DLGAP1: variants seen among roughly 807,000 people sequenced by gnomAD.
DLGAP1 encodes the protein disks large-associated protein 1.
Under a neutral mutation model 90.8 loss-of-function variants are expected in DLGAP1, and 11 were observed. The observed-to-expected ratio is 0.12, with a 90% CI of 0.08 to 0.20. The LOEUF is 0.20. Ranked by LOEUF, DLGAP1 falls within the 10% of genes least tolerant of loss-of-function variation. DLGAP1 has a pLI of 1.00. For synonymous variants in DLGAP1, 558 were observed against 540.7 expected (o/e 1.03, Z -0.44); for missense variants, 1,050 against 1,333.8 (o/e 0.79, Z 3.31).
intron 2 of DLGAP1, among the ~76,000 whole-genome samples, chr18:4,047,292 G>A (rs1032363277): frequency 2.6e-5 from 4 of 152,132 alleles, no homozygotes; most frequent in Non-Finnish European, 5.9e-5. Flanking sequence ...ATCTGTATGT[G>A]GCAAATAGTG....
chr18:4,445,090 A>T (rs1274763356), intron 1 of DLGAP1, among the ~76,000 whole-genome samples: 2 of 152,282 alleles, frequency 1.3e-5, no homozygotes, highest in East Asian at 3.9e-4. Context: ...TCATTTCATA[A>T]ATTCGAGTTT....
At chr18:4,143,346 T>C (rs2076527435) in intron 2 of DLGAP1, among the ~76,000 whole-genome samples, 1 of 151,680 alleles carries the variant, frequency 6.6e-6, no homozygotes, top group African/African-American at 2.4e-5. Context: ...TCCTTCCCAC[T>C]GTTCCCTCCC....
At chr18:3,617,605 A>AAT (rs2057922055) in intron 7 of DLGAP1, among the ~76,000 whole-genome samples, 1 of 151,560 alleles carries the variant, frequency 6.6e-6, no homozygotes, top group East Asian at 1.9e-4. Context: ...AAAAAAAAAA[A>AAT]AATTGTTGAA....
At chr18:3,946,625 ACT>A (rs1232883317) in intron 3 of DLGAP1, among the ~76,000 whole-genome samples, 2 of 152,156 alleles carry the variant, frequency 1.3e-5, no homozygotes, top group Non-Finnish European at 2.9e-5. Flanking sequence ...AAACAAAAAC[ACT>A]CTTTAAAGCA....
intron 1 of DLGAP1, among the ~76,000 whole-genome samples, chr18:4,336,696 G>T (rs2081073460): frequency 6.6e-6 from 1 of 152,096 alleles, no homozygotes; most frequent in Non-Finnish European, 1.5e-5. Context: ...TTAATAGATG[G>T]CATTTTACTA....
intron 2 of DLGAP1, among the ~76,000 whole-genome samples, chr18:4,067,203 A>G (rs78410001): frequency 6.6e-6 from 1 of 152,016 alleles, no homozygotes; most frequent in East Asian, 1.9e-4. Flanking sequence ...GAGGAAGAGG[A>G]TCAAGAAAAA....
At chr18:4,114,718 C>CA (rs1373594779) in intron 2 of DLGAP1, among the ~76,000 whole-genome samples, 1 of 151,992 alleles carries the variant, frequency 6.6e-6, no homozygotes, top group African/African-American at 2.4e-5. Flanking sequence ...TTATCTCTAG[C>CA]AATATTTTTG....
intron 3 of DLGAP1, among the ~76,000 whole-genome samples, chr18:4,002,517 T>C (rs79415428): frequency 2.9e-5 from 2 of 69,250 alleles, no homozygotes; most frequent in East Asian, 4.2e-4. Flanking sequence ...TAATGAAATA[T>C]ATCTTCTCTT....
At chr18:4,394,889 T>C (rs1878234924) in intron 1 of DLGAP1, among the ~76,000 whole-genome samples, 1 of 152,180 alleles carries the variant, frequency 6.6e-6, no homozygotes, top group Admixed American at 6.5e-5. Flanking sequence ...CCTGCACAAG[T>C]GAACATGAGA....
At chr18:4,412,313 C>T (rs2082796479) in intron 1 of DLGAP1, among the ~76,000 whole-genome samples, 1 of 152,196 alleles carries the variant, frequency 6.6e-6, no homozygotes, top group South Asian at 2.1e-4. Flanking sequence ...AAGTACCCCA[C>T]TCCACTCTGT....
intron 7 of DLGAP1, among the ~76,000 whole-genome samples, chr18:3,605,277 T>G (rs2145818924): frequency 6.6e-6 from 1 of 152,358 alleles, no homozygotes; most frequent in African/African-American, 2.4e-5. Context: ...ACGTTCGACC[T>G]CTTCCAAGAA....
chr18:4,348,202 T>A (rs894939235), intron 1 of DLGAP1, among the ~76,000 whole-genome samples: 1 of 152,094 alleles, frequency 6.6e-6, no homozygotes, highest in East Asian at 1.9e-4. Context: ...GAGACTACAT[T>A]GTGTGTATAT....
At chr18:3,579,297 G>A (rs573487464) in intron 8 of DLGAP1, among the ~76,000 whole-genome samples, 4 of 152,180 alleles carry the variant, frequency 2.6e-5, no homozygotes, top group African/African-American at 9.7e-5. Flanking sequence ...CGCAACCTCC[G>A]TCTATCGGGT....
intron 3 of DLGAP1, among the ~76,000 whole-genome samples, chr18:3,962,190 G>T (rs926143584): frequency 6.6e-5 from 10 of 152,138 alleles, no homozygotes; most frequent in African/African-American, 2.4e-4. Flanking sequence ...TTTAATATCT[G>T]CAGTCCTTCT....
intron 2 of DLGAP1, among the ~76,000 whole-genome samples, chr18:4,009,614 G>A (rs759198619): frequency 5.3e-5 from 8 of 152,158 alleles, no homozygotes; most frequent in Admixed American, 5.2e-4. Flanking sequence ...GGCAGGATAG[G>A]GTTCTCTTCC....
At chr18:4,300,803 C>T (rs1388436976) in intron 1 of DLGAP1, among the ~76,000 whole-genome samples, 1 of 152,152 alleles carries the variant, frequency 6.6e-6, no homozygotes, top group Non-Finnish European at 1.5e-5. Context: ...TTGTTATATA[C>T]TCTTGCACAC....
intron 2 of DLGAP1, among the ~76,000 whole-genome samples, chr18:4,035,505 A>AT (rs1401914720): frequency 6.6e-6 from 1 of 152,202 alleles, no homozygotes; most frequent in African/African-American, 2.4e-5. Context: ...AGAAAAAAGG[A>AT]TTTTTAAAAA....
At chr18:3,518,720 A>G (rs905526889) in intron 10 of DLGAP1, among the ~76,000 whole-genome samples, 3 of 152,188 alleles carry the variant, frequency 2.0e-5, no homozygotes, top group Non-Finnish European at 2.9e-5. Flanking sequence ...TCTCCATAGC[A>G]TTGCTGATTA....
intron 1 of DLGAP1, 27 bp from the exon 2 acceptor site, chr18:4,151,314 A>G (rs1207462860): frequency 6.6e-6 from 1 of 152,172 alleles, no homozygotes; most frequent in African/African-American, 2.4e-5. Context: ...CAATAATTAG[A>G]TGTAATAACT....
Sources: allele counts gnomAD v4.1 joint callset (sites outside exome capture counted in the v4.1 genomes callset), GRCh38; gene constraint gnomAD v4.1.1; transcripts MANE v1.5; gene names NCBI Gene and HGNC (gene_info 2026-07-23, HGNC 2026-07-21).